RELN: variants seen among roughly 807,000 people sequenced by gnomAD.
The protein encoded by RELN is reelin.
In RELN, 108 loss-of-function variants were observed where a neutral mutation model predicts 427.6. The observed-to-expected ratio is 0.25, with a 90% CI of 0.22 to 0.30. The LOEUF (loss-of-function observed/expected upper bound fraction) is 0.30, where lower values mean the gene tolerates loss of function less well. RELN is among the 10% of genes least tolerant of loss of function. The pLI is 1.00. For synonymous variants in RELN, 1,524 were observed against 1,513.4 expected (o/e 1.01, Z -0.16); for missense variants, 3,715 against 4,302.8 (o/e 0.86, Z 3.82).
chr7:103,851,255 T>C (rs143207289), intron 2 of RELN, among the ~76,000 whole-genome samples: 2,200 of 152,306 alleles, frequency 0.014, 25 homozygotes, highest in Non-Finnish European at 0.025. Context: ...AAACATCGTA[T>C]GTTTTCACTG....
intron 11 of RELN, among the ~76,000 whole-genome samples, chr7:103,674,039 C>T (rs990509480): frequency 2.0e-5 from 3 of 151,860 alleles, no homozygotes; most frequent in South Asian, 2.1e-4. Context: ...CTGGCTTCTT[C>T]TTTAATTCCT....
intron 42 of RELN, 119 bp from the exon 43 acceptor site, chr7:103,542,997 T>G (rs1830207828): frequency 3.8e-6 from 4 of 1,064,018 alleles, no homozygotes; most frequent in South Asian, 1.4e-5. Flanking sequence ...TCATAAATAT[T>G]AAAGTCATGT....
At chr7:103,975,699 C>A (rs1248798651) in intron 1 of RELN, among the ~76,000 whole-genome samples, 1 of 150,286 alleles carries the variant, frequency 6.7e-6, no homozygotes, top group Non-Finnish European at 1.5e-5. Flanking sequence ...GCACCCGCCA[C>A]CACGCCTGGC....
At chr7:103,654,614 T>C (rs1360703588) in intron 12 of RELN, among the ~76,000 whole-genome samples, 1 of 152,132 alleles carries the variant, frequency 6.6e-6, no homozygotes, top group African/African-American at 2.4e-5. Context: ...GATGACTTCC[T>C]GCATCAAGGA....
intron 28 of RELN, among the ~76,000 whole-genome samples, chr7:103,586,268 C>G (rs1037991366): frequency 1.3e-5 from 2 of 152,108 alleles, no homozygotes; most frequent in South Asian, 4.1e-4. Context: ...GAGGCTGAGG[C>G]AGGAGAATTG....
At position 103,957,591 on chromosome 7, in the gene RELN, C is replaced by A. The variant is rs183939498; in HGVS notation, c.226+31540G>T. Among the ~76,000 whole-genome samples, 282 of 152,296 alleles carry A rather than the reference C, an allele frequency of 1.9e-3. 3 individuals are homozygous for A. Among genetic ancestry groups the A allele is most frequent in the Non-Finnish European group, 1.2e-3 (81 of 68,034 alleles). On this transcript the variant is annotated intron_variant, in intron 1 of 64. Transcript: ENST00000428762. ...TCACACGCACATGCTCATAAATGCACACACATGCTCACACGTGCTCACTCA... is the reference window on the plus strand; with the variant it reads ...TCACACGCACATGCTCATAAATGCAAACACATGCTCACACGTGCTCACTCA...
intron 3 of RELN, among the ~76,000 whole-genome samples, chr7:103,820,838 C>CA (rs2116370469): frequency 6.6e-6 from 1 of 152,014 alleles, no homozygotes; most frequent in African/African-American, 2.4e-5. Flanking sequence ...AATATTATAG[C>CA]AAGTAACTGA....
At chr7:103,544,646 CT>C (rs1274288020) in intron 42 of RELN, among the ~76,000 whole-genome samples, 1 of 152,082 alleles carries the variant, frequency 6.6e-6, no homozygotes, top group African/African-American at 2.4e-5. Flanking sequence ...ATGCTTTTTT[CT>C]AATCATTACA....
At chr7:103,576,186 G>A (rs930011862) in intron 28 of RELN, among the ~76,000 whole-genome samples, 6 of 152,238 alleles carry the variant, frequency 3.9e-5, no homozygotes, top group South Asian at 2.1e-4. Flanking sequence ...AGCTGGGATC[G>A]CACCTTTGCA....
At chr7:103,723,958 CTTCT>C (rs1790140030) in intron 7 of RELN, among the ~76,000 whole-genome samples, 1 of 152,048 alleles carries the variant, frequency 6.6e-6, no homozygotes, top group African/African-American at 2.4e-5. Context: ...AAGAATGGTG[CTTCT>C]TTAATTTTAA....
chr7:103,970,984 C>T (rs549030938), intron 1 of RELN, among the ~76,000 whole-genome samples: 6 of 152,092 alleles, frequency 3.9e-5, no homozygotes, highest in African/African-American at 1.2e-4. Flanking sequence ...GGCAAAACCC[C>T]GTCTCTGCTA....
chr7:103,711,581 T>C (rs184409098), intron 8 of RELN, among the ~76,000 whole-genome samples: 16 of 152,332 alleles, frequency 1.1e-4, no homozygotes, highest in Admixed American at 8.5e-4. Context: ...AATTAAAATA[T>C]TTATATATGG....
intron 10 of RELN, among the ~76,000 whole-genome samples, chr7:103,694,467 A>AGATGAT (rs139140239): frequency 0.075 from 11,116 of 148,722 alleles, 465 homozygotes; most frequent in African/African-American, 0.099. Context: ...CAGTTAAATG[A>AGATGAT]GATGATGATG....
intron 36 of RELN, among the ~76,000 whole-genome samples, chr7:103,560,933 G>T (rs1304337715): frequency 6.6e-6 from 1 of 152,142 alleles, no homozygotes; most frequent in Non-Finnish European, 1.5e-5. Context: ...GCACACCTAG[G>T]TTAGTCAATT....
In RELN at chr7:103,603,581, T is replaced by C. The variant is rs1266635303; in HGVS notation, c.3147-91A>G. On this transcript the variant is annotated intron_variant, in intron 23 of 64. Transcript: ENST00000428762. This position sits in a 1 kb window ranked among gnomAD's most constrained non-coding sequence, Gnocchi z 4.3. ...CTCAACCATTTCCCATGTCTTACTT[T>C]TGCTCAGGTCTTATCATTCACACTA... 1.0e-6 allele frequency: 1 copy of C among 988,926 alleles called. No homozygotes were observed. Among genetic ancestry groups the C allele is most frequent in the East Asian group, 2.4e-5 (1 of 41,390 alleles). 61.3% of individuals were successfully genotyped at this position (988,926 alleles called of 1,614,324 possible). A position where few individuals can be genotyped will look rare whatever the true frequency, so the allele number is the denominator to read the frequency against.
At chr7:103,675,993 C>A (rs1471775865) in intron 11 of RELN, among the ~76,000 whole-genome samples, 1 of 152,124 alleles carries the variant, frequency 6.6e-6, no homozygotes, top group African/African-American at 2.4e-5. Flanking sequence ...GACTTCATGT[C>A]TAAAACACCA....
At chr7:103,718,562 C>T (rs905461609) in intron 8 of RELN, among the ~76,000 whole-genome samples, 3 of 152,114 alleles carry the variant, frequency 2.0e-5, no homozygotes, top group Non-Finnish European at 4.4e-5. Flanking sequence ...TCTGGGTAAT[C>T]ATTTCCATTG....
chr7:103,746,375 A>C (rs972009574), intron 6 of RELN, among the ~76,000 whole-genome samples: 1 of 152,206 alleles, frequency 6.6e-6, no homozygotes, highest in Non-Finnish European at 1.5e-5. Context: ...TTCATGTCTA[A>C]AACACCAAAA....
chr7:103,952,968 G>T (rs948723260), intron 1 of RELN, among the ~76,000 whole-genome samples: 4 of 151,956 alleles, frequency 2.6e-5, no homozygotes, highest in Non-Finnish European at 4.4e-5. Flanking sequence ...CTCTCTCCTC[G>T]CTATGCACTC....
Sources: allele counts gnomAD v4.1 joint callset (sites outside exome capture counted in the v4.1 genomes callset), GRCh38; gene constraint gnomAD v4.1.1; non-coding constraint Gnocchi (gnomAD v3.1); transcripts MANE v1.5; gene names NCBI Gene and HGNC (gene_info 2026-07-23, HGNC 2026-07-21).